The following AP2A2 variants were observed in gnomAD, a reference collection of about 807,000 sequenced individuals.
The protein encoded by AP2A2 is AP-2 complex subunit alpha-2.
Under a neutral mutation model 104.2 loss-of-function variants are expected in AP2A2, and 32 were observed. The observed-to-expected ratio is 0.31, with a 90% confidence interval of 0.23 to 0.41. AP2A2 has a LOEUF of 0.41. Ranked by LOEUF, AP2A2 falls within the 10% of genes least tolerant of loss-of-function variation. AP2A2 has a pLI of 1.00. For synonymous variants in AP2A2, 539 were observed against 533.3 expected, an observed-to-expected ratio of 1.01 and a Z score of -0.15; for missense variants, 912 against 1,261.0, an observed-to-expected ratio of 0.72 and a Z score of 4.19.
intron 5 of AP2A2, among the ~76,000 whole-genome samples, chr11:978,281 T>A (rs1400007657): frequency 6.6e-6 from 1 of 152,064 alleles, no homozygotes; most frequent in Non-Finnish European, 1.5e-5. Flanking sequence ...GCAGACAGGA[T>A]CTGTGCACGC....
intron 1 of AP2A2, among the ~76,000 whole-genome samples, chr11:943,529 T>C (rs923311546): frequency 6.6e-6 from 1 of 152,236 alleles, no homozygotes; most frequent in African/African-American, 2.4e-5. Context: ...CTTCTTTCTT[T>C]GGAGGCAGAA....
intron 1 of AP2A2, among the ~76,000 whole-genome samples, chr11:939,076 C>G (rs1374481191): frequency 6.6e-6 from 1 of 151,668 alleles, no homozygotes; most frequent in Admixed American, 6.6e-5. Flanking sequence ...ATATGAAACC[C>G]TGTCTCTACT....
At position 940,128 on chromosome 11, in the gene AP2A2, G is replaced by C. The variant is rs541280992; in HGVS notation, c.67+14040G>C. On this transcript the variant is annotated intron_variant, in intron 1 of 21. Transcript: ENST00000448903. ...TGCCACCTGTCTGGTTAATTTTTGT[G>C]TTTTTTGTAGAGACGGGGTTTCGCC... is the stretch of plus-strand genomic sequence containing the variant. Among the ~76,000 whole-genome samples the C allele has an allele frequency of 2.0e-5, 3 of 151,406 alleles. No homozygotes were observed. The East Asian group carries it at 5.9e-4, about 30-fold the overall frequency.
rs1854863141 is a variant in AP2A2 at position 972,352 on chromosome 11, C to T, written c.473+97C>T. The T allele has an allele frequency of 1.3e-5, 17 of 1,281,064 alleles. 1 individual carries two copies. In the South Asian group the frequency reaches 2.6e-4, roughly 19 times the overall value. The allele number at this position is 1,281,064 out of a possible 1,614,324, so 79.4% of individuals were successfully genotyped here. A position where few individuals can be genotyped will look rare whatever the true frequency, so the allele number is the denominator to read the frequency against. On this transcript the variant is annotated intron_variant, in intron 4 of 21. Transcript: ENST00000448903. ...GCTGCTTAGCCTAGGAAATGTTTTA[C>T]TCTCCCCATCTTATGGGAGATGAGA...
intron 16 of AP2A2, among the ~76,000 whole-genome samples, chr11:1,004,681 T>G (rs1475632074): frequency 1.3e-5 from 2 of 151,538 alleles, no homozygotes; most frequent in Non-Finnish European, 2.9e-5. Flanking sequence ...GAGGCAAAGG[T>G]GGGAGGATCG....
intron 14 of AP2A2, among the ~76,000 whole-genome samples, chr11:999,385 A>C (rs1855955713): frequency 6.6e-6 from 1 of 152,144 alleles, no homozygotes; most frequent in African/African-American, 2.4e-5. Flanking sequence ...GATGGCGGCC[A>C]CCTGTAATCC....
At chr11:1,003,901 C>A in intron 16 of AP2A2, 97 bp downstream of exon 16, 1 of 760,130 alleles carries the variant, frequency 1.3e-6, no homozygotes, top group South Asian at 2.3e-5. Context: ...GATAGATATC[C>A]AGAATATAAA....
chr11:957,245 C>G lies in AP2A2; in HGVS notation c.68-2192C>G, dbSNP rs114729008. On this transcript the variant is annotated intron_variant, in intron 1 of 21. Transcript: ENST00000448903. The stretch of plus-strand genomic sequence containing the variant: ...CGGGCCATGGCCGCTCCATGTCCCT[C>G]CAGGGATCCCCATGTGTTCAGTTAT... 7.9e-3 allele frequency among the ~76,000 whole-genome samples: 1,199 copies of G among 152,350 alleles called. 23 individuals carry two copies. Among genetic ancestry groups the G allele is most frequent in the African/African-American group, 0.028 (1,145 of 41,576 alleles).
intron 1 of AP2A2, among the ~76,000 whole-genome samples, chr11:933,046 G>A (rs1011752584): frequency 1.3e-5 from 2 of 152,194 alleles, no homozygotes; most frequent in Non-Finnish European, 2.9e-5. Flanking sequence ...GAGCCAGGTG[G>A]ATCACCTGAG....
At chr11:930,789 G>A (rs1156875731) in intron 1 of AP2A2, among the ~76,000 whole-genome samples, 1 of 152,164 alleles carries the variant, frequency 6.6e-6, no homozygotes, top group Non-Finnish European at 1.5e-5. Context: ...CAAAGTGCTG[G>A]GATTACAGGC....
intron 15 of AP2A2, 63 bp from the exon 16 acceptor site, chr11:1,003,659 A>C: frequency 8.6e-7 from 1 of 1,160,674 alleles, no homozygotes; most frequent in African/African-American, 1.6e-5. Context: ...TTTTTCCAGA[A>C]CAAACCCTTG....
intron 1 of AP2A2, among the ~76,000 whole-genome samples, chr11:935,546 C>A (rs1353211355): frequency 1.3e-5 from 2 of 150,700 alleles, no homozygotes; most frequent in Non-Finnish European, 2.9e-5. Context: ...AAGTGATGCG[C>A]CTGCCTTGGG....
chr11:936,838 C>T (rs1853473883), intron 1 of AP2A2, among the ~76,000 whole-genome samples: 1 of 152,112 alleles, frequency 6.6e-6, no homozygotes, highest in South Asian at 2.1e-4. Flanking sequence ...CCACCGCAGC[C>T]TGTAGTCTGG....
intron 1 of AP2A2, among the ~76,000 whole-genome samples, chr11:937,275 C>T (rs1031101678): frequency 3.3e-5 from 5 of 152,072 alleles, no homozygotes; most frequent in Non-Finnish European, 7.3e-5. Context: ...CCGCTTCGGC[C>T]TCCCAAAGTG....
chr11:930,237 G>T (rs867030515), intron 1 of AP2A2, among the ~76,000 whole-genome samples: 2 of 151,976 alleles, frequency 1.3e-5, no homozygotes, highest in African/African-American at 4.8e-5. Flanking sequence ...CAGCAGACTG[G>T]CTTGGGGCAT....
At chr11:927,268 T>C (rs1304783567) in intron 1 of AP2A2, among the ~76,000 whole-genome samples, 3 of 152,090 alleles carry the variant, frequency 2.0e-5, no homozygotes, top group Non-Finnish European at 2.9e-5. Context: ...TCTCGCCATG[T>C]TGCCTAGGCT....
intron 1 of AP2A2, among the ~76,000 whole-genome samples, chr11:954,023 C>T (rs987976027): frequency 3.9e-5 from 6 of 151,978 alleles, no homozygotes; most frequent in Non-Finnish European, 5.9e-5. Context: ...TTAGTAGAGA[C>T]GAGGTTTCAC....
intron 1 of AP2A2, among the ~76,000 whole-genome samples, chr11:939,451 T>C (rs115421734): frequency 0.027 from 4,154 of 152,126 alleles, 206 homozygotes; most frequent in African/African-American, 0.095. Context: ...TCATTACTTA[T>C]TGACTTTTTT....
intron 1 of AP2A2, among the ~76,000 whole-genome samples, chr11:952,207 A>G (rs115409848): frequency 0.029 from 4,380 of 152,290 alleles, 218 homozygotes; most frequent in African/African-American, 0.098. Flanking sequence ...CTGTAGACCA[A>G]GTTTTGCTGC....
Sources: allele counts gnomAD v4.1 joint callset (sites outside exome capture counted in the v4.1 genomes callset), GRCh38; gene constraint gnomAD v4.1.1; transcripts MANE v1.5; gene names NCBI Gene and HGNC (gene_info 2026-07-23, HGNC 2026-07-21).